The following MIPOL1 variants were observed in gnomAD, a reference collection of about 807,000 sequenced individuals.
MIPOL1 encodes mirror-image polydactyly 1, also known as mirror-image polydactyly gene 1 protein.
In MIPOL1, 57 loss-of-function variants were observed where a neutral mutation model predicts 60.9. The ratio of observed to expected loss-of-function variants is 0.94; its 90% CI spans 0.76 to 1.17. MIPOL1 has a LOEUF of 1.17. Ranked by LOEUF, MIPOL1 falls within the 50% of genes most tolerant of loss-of-function variation. The pLI, the probability that MIPOL1 is intolerant of heterozygous loss-of-function variation, is 0.00. For synonymous variants in MIPOL1, 179 were observed against 168.8 expected (o/e 1.06, Z -0.47); for missense variants, 551 against 511.6 (o/e 1.08, Z -0.74).
Position 37,241,181 on chromosome 14 carries a change from A to G in MIPOL1, c.-198-5922A>G, listed in dbSNP as rs143541791. On this transcript the variant is annotated intron_variant, in intron 1 of 12. Coordinates refer to ENST00000684589, the MANE Select transcript of MIPOL1 (RefSeq NM_001388067.1). ...GAATATTTCATAGTCTGAAGGCAGT[A>G]AAGGACTGATGTCCCAGCTGAAGGC... is the stretch of plus-strand genomic sequence containing the variant. 3.4e-3 allele frequency among the ~76,000 whole-genome samples: 516 copies of G among 152,252 alleles called. 3 individuals carry two copies. The highest frequency in any genetic ancestry group is 0.012 in the African/African-American group (505 of 41,542).
chr14:37,333,725 A>G (rs947304980), intron 9 of MIPOL1, among the ~76,000 whole-genome samples: 1 of 152,104 alleles, frequency 6.6e-6, no homozygotes, highest in South Asian at 2.1e-4. Flanking sequence ...TCAAAGTACA[A>G]GAAGCAAAAA....
chr14:37,309,257 CCA>C (rs1208463316), intron 9 of MIPOL1, among the ~76,000 whole-genome samples: 1 of 151,984 alleles, frequency 6.6e-6, no homozygotes, highest in Non-Finnish European at 1.5e-5. Flanking sequence ...GCATGAGCCA[CCA>C]CACCTGGCCT....
chr14:37,523,382 T>G, intron 12 of MIPOL1: 3 of 346,954 alleles, frequency 8.6e-6, no homozygotes, highest in Non-Finnish European at 1.0e-5. Flanking sequence ...AGTGAAAATT[T>G]AAACACAAAT....
At position 37,510,033 on chromosome 14, in the gene MIPOL1, A is replaced by T. The variant is rs1012443689; in HGVS notation, c.1262+9895A>T. On this transcript the variant is annotated intron_variant, in intron 12 of 12. Transcript: ENST00000684589. ...ATATATGTATATATACACGTAGTCT[A>T]TATAGTCTATTCATCTTTGTATAGT... is the stretch of plus-strand genomic sequence containing the variant. 4.0e-5 allele frequency among the ~76,000 whole-genome samples: 6 copies of T among 151,860 alleles called. 1 individual carries two copies. The highest frequency in any genetic ancestry group is 9.7e-5 in the African/African-American group (4 of 41,350).
At chr14:37,412,892 A>T (rs572083513) in intron 10 of MIPOL1, among the ~76,000 whole-genome samples, 2 of 152,242 alleles carry the variant, frequency 1.3e-5, no homozygotes, top group South Asian at 4.1e-4. Flanking sequence ...AAGATAATCA[A>T]GAAAGGACTT....
At chr14:37,225,270 C>T (rs1969512310) in intron 1 of MIPOL1, among the ~76,000 whole-genome samples, 1 of 152,146 alleles carries the variant, frequency 6.6e-6, no homozygotes, top group Non-Finnish European at 1.5e-5. Flanking sequence ...AGGTGGTGCC[C>T]CAGTAGGAAC....
chr14:37,474,034 A>G (rs1157422068), intron 11 of MIPOL1, among the ~76,000 whole-genome samples: 4 of 152,132 alleles, frequency 2.6e-5, no homozygotes, highest in Non-Finnish European at 5.9e-5. Context: ...TAGCCTTTTG[A>G]GACTGTCTTC....
chr14:37,284,060 T>C (rs545515935), intron 6 of MIPOL1, among the ~76,000 whole-genome samples: 10 of 152,160 alleles, frequency 6.6e-5, no homozygotes, highest in African/African-American at 2.2e-4. Flanking sequence ...ATTTCAAACA[T>C]ACAAACAATA....
At chr14:37,286,886 T>C (rs1236319556) in intron 7 of MIPOL1, among the ~76,000 whole-genome samples, 3 of 152,182 alleles carry the variant, frequency 2.0e-5, no homozygotes, top group Non-Finnish European at 4.4e-5. Flanking sequence ...TACCTAAACA[T>C]CATTACCTAG....
intron 1 of MIPOL1, among the ~76,000 whole-genome samples, chr14:37,230,396 T>G (rs897639131): frequency 6.6e-6 from 1 of 152,228 alleles, no homozygotes; most frequent in African/African-American, 2.4e-5. Flanking sequence ...TTTGTTATTG[T>G]GACCAGTGGA....
intron 9 of MIPOL1, among the ~76,000 whole-genome samples, chr14:37,311,708 C>G (rs1375977788): frequency 6.6e-6 from 1 of 152,058 alleles, no homozygotes; most frequent in Non-Finnish European, 1.5e-5. Flanking sequence ...ATAGACAGCT[C>G]CCATATATTA....
Position 37,334,307 on chromosome 14 carries a change from A to G in MIPOL1, c.828+25788A>G, listed in dbSNP as rs72671757. 8.3e-4 allele frequency among the ~76,000 whole-genome samples: 127 copies of G among 152,142 alleles called. 1 individual carries two copies. Among genetic ancestry groups the G allele is most frequent in the Middle Eastern group, 3.4e-3 (1 of 294 alleles). On this transcript the variant is annotated intron_variant, in intron 9 of 12. Coordinates refer to ENST00000684589, the MANE Select transcript of MIPOL1 (RefSeq NM_001388067.1). ...TTGATAATTGAATATTTTTAATTTTATGGAGATATGAGACCTCGACTGTTC... is the reference window on the plus strand; with the variant it reads ...TTGATAATTGAATATTTTTAATTTTGTGGAGATATGAGACCTCGACTGTTC...
intron 9 of MIPOL1, among the ~76,000 whole-genome samples, chr14:37,366,896 T>A (rs1473801422): frequency 6.6e-6 from 1 of 152,076 alleles, no homozygotes; most frequent in Non-Finnish European, 1.5e-5. Flanking sequence ...ACTTTATCAT[T>A]ATATAATGAC....
At chr14:37,280,567 A>G (rs2084022660) in intron 6 of MIPOL1, among the ~76,000 whole-genome samples, 1 of 152,208 alleles carries the variant, frequency 6.6e-6, no homozygotes, top group African/African-American at 2.4e-5. Flanking sequence ...TTTGGTGATT[A>G]GAGATGTTAA....
intron 7 of MIPOL1, among the ~76,000 whole-genome samples, chr14:37,288,021 T>A (rs576819064): frequency 1.3e-5 from 2 of 152,314 alleles, no homozygotes; most frequent in Non-Finnish European, 2.9e-5. Flanking sequence ...AAAATTAATA[T>A]AAGTAGAGAG....
intron 1 of MIPOL1, among the ~76,000 whole-genome samples, chr14:37,243,074 A>C (rs1478013610): frequency 6.6e-6 from 1 of 152,260 alleles, no homozygotes; most frequent in Non-Finnish European, 1.5e-5. Context: ...CTTACAAATA[A>C]AAACTGCTGT....
intron 7 of MIPOL1, among the ~76,000 whole-genome samples, chr14:37,293,095 T>C (rs1333471530): frequency 1.3e-5 from 2 of 152,028 alleles, no homozygotes; most frequent in Non-Finnish European, 2.9e-5. Context: ...TGATTCTTGC[T>C]TCCTCTGTAC....
intron 11 of MIPOL1, among the ~76,000 whole-genome samples, chr14:37,492,267 T>C (rs1296127788): frequency 1.3e-5 from 2 of 152,204 alleles, no homozygotes; most frequent in African/African-American, 4.8e-5. Context: ...ACATTTCATA[T>C]TTGCTTAGGT....
At chr14:37,494,566 G>A (rs186759897) in intron 11 of MIPOL1, among the ~76,000 whole-genome samples, 6 of 152,208 alleles carry the variant, frequency 3.9e-5, no homozygotes, top group Admixed American at 3.9e-4. Context: ...AGTGATGCAG[G>A]GCTTTATAGA....
Sources: allele counts gnomAD v4.1 joint callset (sites outside exome capture counted in the v4.1 genomes callset), GRCh38; gene constraint gnomAD v4.1.1; transcripts MANE v1.5; gene names NCBI Gene and HGNC (gene_info 2026-07-23, HGNC 2026-07-21).